SP1: variants seen among roughly 807,000 people sequenced by gnomAD.
SP1 encodes Sp1 transcription factor, also known as transcription factor Sp1.
A neutral mutation model predicts 66.3 loss-of-function variants in SP1; 6 were observed. That is an observed-to-expected ratio of 0.09 (90% CI 0.05 to 0.18). The LOEUF (loss-of-function observed/expected upper bound fraction) is 0.18, where lower values mean the gene tolerates loss of function less well. Ranked by LOEUF, SP1 falls within the 10% of genes least tolerant of loss-of-function variation. SP1 has a pLI of 1.00. For missense variants in SP1, 848 were observed against 964.5 expected, an observed-to-expected ratio of 0.88 and a Z score of 1.60; for synonymous variants, 417 against 360.8, an observed-to-expected ratio of 1.16 and a Z score of -1.77.
chr12:53,387,217 C>T (rs928112458), intron 3 of SP1, among the ~76,000 whole-genome samples: 1 of 152,204 alleles, frequency 6.6e-6, no homozygotes, highest in Admixed American at 6.5e-5. Flanking sequence ...TCCCAAAGTG[C>T]TGGGATTACA....
chr12:53,391,812 C>G (rs1422376263), intron 3 of SP1, among the ~76,000 whole-genome samples: 1 of 151,110 alleles, frequency 6.6e-6, no homozygotes, highest in Non-Finnish European at 1.5e-5. Context: ...CATGAATACT[C>G]AATGTTTAGC....
intron 3 of SP1, among the ~76,000 whole-genome samples, chr12:53,404,784 C>A (rs1355785681): frequency 6.6e-6 from 1 of 151,786 alleles, no homozygotes; most frequent in East Asian, 1.9e-4. Flanking sequence ...CTTCCTCCCA[C>A]CTTAGCCTCC....
rs912151859 is a variant in SP1, at chr12:53,412,869, C to G, written c.*1629C>G. On this transcript the variant is annotated 3_prime_UTR_variant, in exon 6 of 6. Coordinates refer to ENST00000327443, the MANE Select transcript of SP1 (RefSeq NM_138473.3). ...GCCCAGCCATAAAAGCATTGTCTCTCTCGACCTTCTGGTATCTTGTTAGAG... is the reference window on the plus strand; with the variant it reads ...GCCCAGCCATAAAAGCATTGTCTCTGTCGACCTTCTGGTATCTTGTTAGAG... 6.6e-6 allele frequency: 1 copy of G among 152,548 alleles called. No individual in the cohort carries two copies. Among genetic ancestry groups the G allele is most frequent in the African/African-American group, 2.4e-5 (1 of 41,392 alleles). The allele number at this position is 152,548 out of a possible 1,614,324, so 9.4% of individuals were successfully genotyped here.
Position 53,409,698 on chromosome 12 carries a change from A to G in SP1, c.2044+137A>G. ...ATGGGTCACAAATGGAATTGGAGTT[A>G]ATCTGGAAAATTTTTAAGAAGGAAG... On this transcript the variant is annotated intron_variant, in intron 5 of 5. Transcript: ENST00000327443. 3 of 758,700 alleles carry G rather than the reference A, an allele frequency of 4.0e-6. No individual in the cohort carries two copies. The South Asian group carries it at 5.5e-5, about 14-fold the overall frequency. The allele number at this position is 758,700 out of a possible 1,614,324, so 47.0% of individuals were successfully genotyped here. A position where few individuals can be genotyped will look rare whatever the true frequency, so the allele number is the denominator to read the frequency against.
chr12:53,409,652 A>G (rs908067412), intron 5 of SP1, 91 bp downstream of exon 5: 3 of 1,097,722 alleles, frequency 2.7e-6, no homozygotes, highest in African/African-American at 3.1e-5. Flanking sequence ...TTTCTGAGCA[A>G]CTTAATTTGA....
In SP1 at chr12:53,382,928, C is replaced by T; in HGVS notation, c.981C>T (p.Tyr327=). ...CCTTTTTCACCAATGCCAATAGCTACTCAACTACTACTACCACCAGCAACA... is the reference window on the plus strand; with the variant it reads ...CCTTTTTCACCAATGCCAATAGCTATTCAACTACTACTACCACCAGCAACA... The part of the protein sequence containing the change: ...SSSFFTNANS[Y]STTTTTSNMG... Residue 327 remains tyrosine, a synonymous_variant, in exon 3 of 6, where the codon TAC becomes TAT. Coordinates refer to ENST00000327443, the MANE Select transcript of SP1 (RefSeq NM_138473.3). 2 of 1,614,150 alleles carry T rather than the reference C, an allele frequency of 1.2e-6. No homozygotes were observed. The highest frequency in any genetic ancestry group is 1.7e-6 in the Non-Finnish European group (2 of 1,180,016).
chr12:53,402,220 C>CTTTT (rs35020021), intron 3 of SP1, among the ~76,000 whole-genome samples: 1 of 131,524 alleles, frequency 7.6e-6, no homozygotes, highest in Non-Finnish European at 1.6e-5. Context: ...TAGGCTGCAC[C>CTTTT]TTTTTTTTTT....
intron 4 of SP1, among the ~76,000 whole-genome samples, chr12:53,407,199 T>C (rs1452308962): frequency 6.6e-6 from 1 of 150,470 alleles, no homozygotes; most frequent in East Asian, 2.0e-4. Context: ...GAGGCCAAGA[T>C]AGGAGGATCA....
At position 53,411,888 on chromosome 12, in the gene SP1, T is replaced by C. The variant is rs927036017; in HGVS notation, c.*648T>C. 1 of 152,494 alleles carries C rather than the reference T, an allele frequency of 6.6e-6. No individual in the cohort carries two copies. Among genetic ancestry groups the C allele is most frequent in the African/African-American group, 2.4e-5 (1 of 41,396 alleles). 9.4% of individuals were successfully genotyped at this position (152,494 alleles called of 1,614,324 possible). ...TTTTAGTTCATATATACATACATAA[T>C]GTTTTTCCTTTCTTAATTTTGTCTT... is the stretch of plus-strand genomic sequence containing the variant. On this transcript the variant is annotated 3_prime_UTR_variant, in exon 6 of 6. Transcript: ENST00000327443.
At chr12:53,399,477 G>A (rs1022243617) in intron 3 of SP1, among the ~76,000 whole-genome samples, 38 of 152,030 alleles carry the variant, frequency 2.5e-4, no homozygotes, top group African/African-American at 7.0e-4. Context: ...GGCTACAGGC[G>A]CCCGCCACCA....
chr12:53,387,158 G>C (rs984683282), intron 3 of SP1, among the ~76,000 whole-genome samples: 6 of 151,720 alleles, frequency 4.0e-5, no homozygotes, highest in African/African-American at 1.2e-4. Flanking sequence ...TCACTGTGCT[G>C]GTCAGGCTGG....
intron 3 of SP1, among the ~76,000 whole-genome samples, chr12:53,385,131 C>T (rs992953202): frequency 6.6e-6 from 1 of 150,522 alleles, no homozygotes; most frequent in Non-Finnish European, 1.5e-5. Context: ...CCCTTCTCTA[C>T]TAAAAATAAA....
intron 3 of SP1, among the ~76,000 whole-genome samples, chr12:53,398,151 G>C (rs1330308206): frequency 6.6e-6 from 1 of 152,140 alleles, no homozygotes; most frequent in Admixed American, 6.5e-5. Flanking sequence ...TTGTGATGTA[G>C]ATTTATAGAT....
intron 3 of SP1, among the ~76,000 whole-genome samples, chr12:53,397,443 A>G (rs986534931): frequency 2.0e-5 from 3 of 150,926 alleles, no homozygotes; most frequent in African/African-American, 7.4e-5. Flanking sequence ...ACATCTAAAC[A>G]CTATATAGGA....
At chr12:53,398,096 T>A (rs1938529832) in intron 3 of SP1, among the ~76,000 whole-genome samples, 1 of 152,230 alleles carries the variant, frequency 6.6e-6, no homozygotes, top group Non-Finnish European at 1.5e-5. Context: ...TGGAATTTCT[T>A]GACTTCTGCT....
chr12:53,405,179 A>G (rs1248182027), intron 3 of SP1, among the ~76,000 whole-genome samples: 2 of 151,604 alleles, frequency 1.3e-5, no homozygotes, highest in African/African-American at 4.8e-5. Flanking sequence ...GAGTGTCCCT[A>G]TGTTGCCCAG....
chr12:53,388,681 CA>C (rs1472012050), intron 3 of SP1, among the ~76,000 whole-genome samples: 3 of 152,072 alleles, frequency 2.0e-5, no homozygotes, highest in African/African-American at 7.2e-5. Context: ...TTCCTGCTGG[CA>C]AAAGTATCTT....
intron 4 of SP1, among the ~76,000 whole-genome samples, chr12:53,407,274 A>T (rs1167260037): frequency 1.3e-5 from 2 of 151,982 alleles, no homozygotes; most frequent in Non-Finnish European, 2.9e-5. Context: ...ACAAAAATTT[A>T]AAAATTATGT....
At chr12:53,396,173 C>T (rs1399571641) in intron 3 of SP1, among the ~76,000 whole-genome samples, 4 of 151,422 alleles carry the variant, frequency 2.6e-5, no homozygotes, top group African/African-American at 4.9e-5. Flanking sequence ...CCCAGCTACT[C>T]AGGACGCTGA....
Sources: gnomAD v4.1 joint callset for allele counts (sites outside exome capture counted in the v4.1 genomes callset) on GRCh38, gnomAD v4.1.1 for gene constraint, MANE v1.5 for transcripts, NCBI Gene and HGNC (gene_info 2026-07-23, HGNC 2026-07-21) for gene names.